DPP4: variants seen among roughly 807,000 people sequenced by gnomAD.
DPP4 encodes ADCP-2.
DPP4 carries 93 observed loss-of-function variants against 122.4 expected under a neutral mutation model. The ratio of observed to expected loss-of-function variants is 0.76; its 90% CI spans 0.64 to 0.90. DPP4 has a LOEUF of 0.90. Among genes scored for constraint, DPP4 ranks in the 40% least tolerant of loss-of-function variants. The probability of loss-of-function intolerance (pLI) is 0.00; values close to 1 mark genes in which losing one functional copy is unlikely to be tolerated. For missense variants in DPP4, 914 were observed against 907.3 expected, an observed-to-expected ratio of 1.01 and a Z score of -0.09; for synonymous variants, 321 against 302.9, an observed-to-expected ratio of 1.06 and a Z score of -0.62.
chr2:162,012,079 C>A, intron 19 of DPP4, 92 bp from the exon 20 acceptor site: 1 of 1,291,144 alleles, frequency 7.7e-7, no homozygotes, highest in Non-Finnish European at 1.1e-6. Context: ...AAGTATGCAT[C>A]CTTCCCAATC....
At chr2:162,010,815 A>G (rs1326680268) in intron 20 of DPP4, among the ~76,000 whole-genome samples, 1 of 152,122 alleles carries the variant, frequency 6.6e-6, no homozygotes, top group Non-Finnish European at 1.5e-5. Flanking sequence ...ATCAATTGTC[A>G]TCTTCTCCTC....
intron 23 of DPP4, among the ~76,000 whole-genome samples, chr2:162,004,438 G>T (rs1213559130): frequency 1.3e-5 from 2 of 152,108 alleles, no homozygotes; most frequent in Non-Finnish European, 2.9e-5. Flanking sequence ...CAGAAATGGG[G>T]ACAATCTAAT....
At chr2:162,036,275 C>A (rs995359368) in intron 8 of DPP4, among the ~76,000 whole-genome samples, 1 of 152,076 alleles carries the variant, frequency 6.6e-6, no homozygotes, top group Non-Finnish European at 1.5e-5. Flanking sequence ...ATGCCTGATA[C>A]CTCCTTTCAA....
At chr2:161,996,143 T>C (rs1455714758) in intron 23 of DPP4, among the ~76,000 whole-genome samples, 2 of 152,098 alleles carry the variant, frequency 1.3e-5, no homozygotes, top group Non-Finnish European at 2.9e-5. Context: ...GCTCCTAGAA[T>C]GAGGGTCAGG....
chr2:162,058,542 C>A (rs968476450), intron 2 of DPP4, among the ~76,000 whole-genome samples: 1 of 152,208 alleles, frequency 6.6e-6, no homozygotes, highest in Admixed American at 6.5e-5. Context: ...TCAAGCTTTG[C>A]ACTTGAATAA....
intron 18 of DPP4, among the ~76,000 whole-genome samples, chr2:162,014,953 T>A (rs932964363): frequency 7.2e-5 from 11 of 152,224 alleles, no homozygotes; most frequent in African/African-American, 2.4e-4. Flanking sequence ...ACCGCAAAGC[T>A]GAGTTCCCAT....
intron 2 of DPP4, among the ~76,000 whole-genome samples, chr2:162,064,094 A>G (rs949359470): frequency 2.0e-5 from 3 of 152,200 alleles, no homozygotes; most frequent in African/African-American, 7.2e-5. Context: ...TTCTCTTCTA[A>G]TGGTTTCAGT....
intron 2 of DPP4, among the ~76,000 whole-genome samples, chr2:162,067,979 C>A (rs540433836): frequency 6.6e-6 from 1 of 152,236 alleles, no homozygotes; most frequent in East Asian, 1.9e-4. Context: ...TAAACTTTCA[C>A]GTGTAAAAAG....
chr2:162,043,151 T>C (rs537822742), intron 5 of DPP4, among the ~76,000 whole-genome samples: 1 of 152,294 alleles, frequency 6.6e-6, no homozygotes, highest in Non-Finnish European at 1.5e-5. Context: ...AGTTAGTTGC[T>C]TTAGGGTAGG....
intron 4 of DPP4, chr2:162,046,593 A>G (rs985573829): frequency 2.3e-6 from 1 of 441,220 alleles, no homozygotes; most frequent in African/African-American, 2.0e-5. Flanking sequence ...ACGAGAGTCA[A>G]GCCAGAGAGG....
At chr2:162,051,903 A>T (rs1379587797) in intron 2 of DPP4, among the ~76,000 whole-genome samples, 7 of 152,208 alleles carry the variant, frequency 4.6e-5, no homozygotes, top group Non-Finnish European at 7.3e-5. Flanking sequence ...TGGGAAAATT[A>T]CTGAATCTTT....
Position 162,029,293 on chromosome 2 carries a change from G to A in DPP4, c.887+4248C>T, listed in dbSNP as rs184865823. Among the ~76,000 whole-genome samples the A allele has an allele frequency of 3.6e-3, 545 of 152,292 alleles. 5 individuals carry two copies. The highest frequency in any genetic ancestry group is 4.4e-3 in the Admixed American group (68 of 15,304). Reference sequence around the variant, plus strand: ...TAAAATAAGGTATTTATCATCAACTGGAAATCATATTGGAGGGAAAAATGC... The same window carrying A: ...TAAAATAAGGTATTTATCATCAACTAGAAATCATATTGGAGGGAAAAATGC... On this transcript the variant is annotated intron_variant, in intron 10 of 25. Transcript: ENST00000360534.
intron 2 of DPP4, among the ~76,000 whole-genome samples, chr2:162,064,333 C>T (rs1007051295): frequency 6.6e-6 from 1 of 152,150 alleles, no homozygotes; most frequent in Non-Finnish European, 1.5e-5. Flanking sequence ...TTAAGAAAAT[C>T]ATTACCATGC....
intron 5 of DPP4, among the ~76,000 whole-genome samples, chr2:162,041,290 T>TC (rs1338061009): frequency 1.3e-5 from 2 of 152,272 alleles, no homozygotes; most frequent in Non-Finnish European, 1.5e-5. Context: ...TTTACCATAC[T>TC]CCTAGAGGTA....
intron 12 of DPP4, chr2:162,021,391 T>C (rs1395565948): frequency 6.6e-6 from 1 of 152,254 alleles, no homozygotes; most frequent in Middle Eastern, 3.2e-3. Flanking sequence ...TAATGCAGTT[T>C]AAGTAGAAGA....
chr2:162,048,150 C>T (rs1483740415), intron 2 of DPP4, among the ~76,000 whole-genome samples: 1 of 152,152 alleles, frequency 6.6e-6, no homozygotes, highest in Non-Finnish European at 1.5e-5. Flanking sequence ...GCTGATCACC[C>T]AATTCAGGGA....
At chr2:162,022,625 A>G (rs1017189775) in intron 12 of DPP4, 130 bp downstream of exon 12, 3 of 844,838 alleles carry the variant, frequency 3.6e-6, no homozygotes, top group Non-Finnish European at 1.9e-6. Flanking sequence ...GCATTTACAT[A>G]TTTTGAGAAA....
At chr2:162,052,893 G>C (rs1305761426) in intron 2 of DPP4, among the ~76,000 whole-genome samples, 1 of 152,162 alleles carries the variant, frequency 6.6e-6, no homozygotes, top group African/African-American at 2.4e-5. Context: ...ATTGGAACTA[G>C]AGAAATGGCC....
chr2:162,016,765 T>G lies in DPP4; in HGVS notation c.1567+3A>C. ...AGTACTATTCCAAAGGAATTTAACT[T>G]ACTTGTTTCATTCAAAATAATGAAG... is the stretch of plus-strand genomic sequence containing the variant. On this transcript the variant is annotated splice_donor_region_variant and intron_variant, in intron 18 of 25. Transcript: ENST00000360534. The G allele has an allele frequency of 6.2e-7, 1 of 1,607,720 alleles. No homozygotes were observed. Among genetic ancestry groups the G allele is most frequent in the Non-Finnish European group, 8.5e-7 (1 of 1,176,378 alleles).
Sources: allele counts gnomAD v4.1 joint callset (sites outside exome capture counted in the v4.1 genomes callset), GRCh38; gene constraint gnomAD v4.1.1; transcripts MANE v1.5; gene names NCBI Gene and HGNC (gene_info 2026-07-23, HGNC 2026-07-21).